The following SLC2A14 variants were observed in gnomAD, a reference collection of about 807,000 sequenced individuals.
The protein encoded by SLC2A14 is solute carrier family 2, facilitated glucose transporter member 14.
Under a neutral mutation model 43.0 loss-of-function variants are expected in SLC2A14, and 13 were observed. The observed-to-expected ratio is 0.30, with a 90% confidence interval of 0.20 to 0.48. The LOEUF is 0.48. SLC2A14 is among the 20% of genes least tolerant of loss of function. The pLI is 0.99. For synonymous variants in SLC2A14, 190 were observed against 233.8 expected, an observed-to-expected ratio of 0.81 and a Z score of 1.71; for missense variants, 428 against 620.4, an observed-to-expected ratio of 0.69 and a Z score of 3.29.
At chr12:7,863,554 A>G in intron 2 of SLC2A14, 1 of 358,012 alleles carries the variant, frequency 2.8e-6, no homozygotes, top group Admixed American at 3.3e-5. Flanking sequence ...CCCAGGACAC[A>G]GAGGTTGCAG....
chr12:7,848,848 G>A (rs1377794521), intron 2 of SLC2A14, among the ~76,000 whole-genome samples: 1 of 151,336 alleles, frequency 6.6e-6, no homozygotes, highest in Admixed American at 6.6e-5. Context: ...GAGCCACCGC[G>A]CCCGGCCTCT....
rs1012768403 is a variant in SLC2A14, at chr12:7,884,097, G to GT, written c.132+6898dup. On this transcript the variant is annotated intron_variant, in intron 1 of 9. Coordinates refer to the SLC2A14 transcript ENST00000539924. ...TGCCACCACAACTGGCTAATTTTTTGTATTTTTAGTAGAAACGGGGTTTCA... is the reference window on the plus strand; with the variant it reads ...TGCCACCACAACTGGCTAATTTTTTGTTATTTTTAGTAGAAACGGGGTTTCA... Among the ~76,000 whole-genome samples the GT allele has an allele frequency of 1.1e-4, 12 of 109,722 alleles. 1 individual carries two copies. The highest frequency in any genetic ancestry group is 4.2e-3 in the Middle Eastern group (1 of 238). 72.0% of individuals were successfully genotyped at this position (109,722 alleles called of 152,430 possible).
chr12:7,868,408 C>G (rs1321391917), intron 2 of SLC2A14, among the ~76,000 whole-genome samples: 1 of 152,170 alleles, frequency 6.6e-6, no homozygotes, highest in Non-Finnish European at 1.5e-5. Flanking sequence ...TTAGCTTTCT[C>G]TCAGCAGTCT....
chr12:7,829,837 G>C lies in SLC2A14; in HGVS notation c.442C>G (p.Pro148Ala). ...CCAAAGGCACCCCTCAGGGCAGTAGGCGAGATCTCTCCAATGTACATGGGC... is the reference window on the plus strand; with the variant it reads ...CCAAAGGCACCCCTCAGGGCAGTAGCCGAGATCTCTCCAATGTACATGGGC... The part of the protein sequence containing the change: ...FVPMYIGEIS[P>A]TALRGAFGTL... The change falls in exon 5 of 11, where the codon CCT becomes GCT. Residue 148 changes from proline to alanine, a missense_variant. By Grantham distance (27) the Pro-to-Ala change is conservative. This residue lies in a region of SLC2A14 where 185 missense variants were observed against 275.4 expected (regional missense o/e 0.67). Transcript: ENST00000431042. 6.2e-7 allele frequency: 1 copy of C among 1,614,196 alleles called. No individual in the cohort carries two copies. The highest frequency in any genetic ancestry group is 8.5e-7 in the Non-Finnish European group (1 of 1,180,032).
chr12:7,826,860 T>TCC (rs377050811), intron 7 of SLC2A14, among the ~76,000 whole-genome samples: 25,211 of 68,600 alleles, frequency 0.37, 6,002 homozygotes, highest in African/African-American at 0.43. Context: ...CTTCCTTTCT[T>TCC]TTTTCTTTCT....
chr12:7,830,261 T>A (rs1335699819), intron 4 of SLC2A14, among the ~76,000 whole-genome samples: 1 of 151,688 alleles, frequency 6.6e-6, no homozygotes, highest in Non-Finnish European at 1.5e-5. Context: ...CAAGCAATTC[T>A]CTGCCTCATA....
intron 8 of SLC2A14, among the ~76,000 whole-genome samples, chr12:7,820,390 G>T (rs1297372271): frequency 6.6e-6 from 1 of 152,174 alleles, no homozygotes; most frequent in Non-Finnish European, 1.5e-5. Flanking sequence ...TGAGTCAGAA[G>T]CACAGGTAAA....
chr12:7,861,672 A>G (rs1266131541), intron 2 of SLC2A14, among the ~76,000 whole-genome samples: 1 of 152,068 alleles, frequency 6.6e-6, no homozygotes, highest in African/African-American at 2.4e-5. Flanking sequence ...CTTTAACTGA[A>G]AAAAAACAGG....
intron 3 of SLC2A14, 34 bp from the exon 4 acceptor site, chr12:7,831,798 CA>C: frequency 6.2e-7 from 1 of 1,611,038 alleles, no homozygotes; most frequent in Non-Finnish European, 8.5e-7. Context: ...CAGACTATTA[CA>C]GTTGGATGAG....
At chr12:7,874,438 C>T (rs1027849371), upstream of SLC2A14, among the ~76,000 whole-genome samples, 3 of 151,916 alleles carry the variant, frequency 2.0e-5, no homozygotes, top group African/African-American at 7.2e-5. Context: ...CTTTGGGAGG[C>T]CGAGGCAGGT....
At chr12:7,876,433 C>A (rs1325497375), upstream of SLC2A14, among the ~76,000 whole-genome samples, 1 of 152,006 alleles carries the variant, frequency 6.6e-6, no homozygotes, top group Non-Finnish European at 1.5e-5. Flanking sequence ...CTTGGACTTC[C>A]CAGCCACCCA....
intron 1 of SLC2A14, 23 bp downstream of exon 1, chr12:7,872,784 C>A: frequency 3.0e-6 from 3 of 985,528 alleles, no homozygotes; most frequent in Non-Finnish European, 3.6e-6. Context: ...CCCCCGGCCG[C>A]AGGGACGGCG....
upstream of SLC2A14, among the ~76,000 whole-genome samples, chr12:7,873,927 T>A (rs1435542283): frequency 2.0e-5 from 3 of 152,110 alleles, no homozygotes; most frequent in African/African-American, 7.2e-5. Context: ...CACGACAGCA[T>A]GGCCTTCAGT....
intron 1 of SLC2A14, among the ~76,000 whole-genome samples, chr12:7,885,805 G>A (rs1945678111): frequency 6.6e-6 from 1 of 151,996 alleles, no homozygotes; most frequent in Non-Finnish European, 1.5e-5. Flanking sequence ...GGAAAAAGGA[G>A]TCAATGGTGT....
chr12:7,891,187 A>G (rs1945772089), upstream of SLC2A14: 1 of 1,489,248 alleles, frequency 6.7e-7, no homozygotes, highest in African/African-American at 1.4e-5. Flanking sequence ...CAGACCCAGG[A>G]GCAGAGTGCA....
chr12:7,837,023 C>T (rs1263886895), intron 2 of SLC2A14, among the ~76,000 whole-genome samples: 5 of 151,434 alleles, frequency 3.3e-5, no homozygotes, highest in Non-Finnish European at 7.4e-5. Context: ...AAAAATTATC[C>T]GAGCATGGTG....
intron 2 of SLC2A14, among the ~76,000 whole-genome samples, chr12:7,846,670 C>T (rs1215559167): frequency 6.7e-6 from 1 of 149,122 alleles, no homozygotes; most frequent in Non-Finnish European, 1.5e-5. Context: ...CTCGCTCTGT[C>T]ACCCAGGCTG....
At chr12:7,861,088 G>A (rs767308658) in intron 2 of SLC2A14, among the ~76,000 whole-genome samples, 2 of 152,146 alleles carry the variant, frequency 1.3e-5, no homozygotes, top group Non-Finnish European at 2.9e-5. Context: ...CACCTCGCCC[G>A]GCATCAACTG....
chr12:7,857,870 C>T (rs1415318529), intron 2 of SLC2A14, among the ~76,000 whole-genome samples: 1 of 151,874 alleles, frequency 6.6e-6, no homozygotes, highest in Non-Finnish European at 1.5e-5. Context: ...GGCATGGTGA[C>T]ATGAACACTT....
Sources: gnomAD v4.1 joint callset for allele counts (sites outside exome capture counted in the v4.1 genomes callset) on GRCh38, gnomAD v4.1.1 for gene constraint, gnomAD v4.1.1 regional missense constraint, MANE v1.5 for transcripts, NCBI Gene and HGNC (gene_info 2026-07-23, HGNC 2026-07-21) for gene names.